TMC5: variants seen among roughly 807,000 people sequenced by gnomAD.
TMC5 encodes the protein transmembrane channel like 5, also known as transmembrane channel-like protein 5.
Under a neutral mutation model 110.5 loss-of-function variants are expected in TMC5, and 86 were observed. The observed-to-expected ratio is 0.78, with a 90% CI of 0.65 to 0.93. The LOEUF (loss-of-function observed/expected upper bound fraction) is 0.93, where lower values mean the gene tolerates loss of function less well. Ranked by LOEUF, TMC5 falls within the 40% of genes least tolerant of loss-of-function variation. The pLI is 0.00. For missense variants in TMC5, 1,144 were observed against 1,222.8 expected (o/e 0.94, Z 0.96); for synonymous variants, 455 against 439.5 (o/e 1.04, Z -0.44).
intron 20 of TMC5, among the ~76,000 whole-genome samples, chr16:19,495,011 C>CTTTTTTTTTTTTTTTT (rs56178955): frequency 4.9e-5 from 2 of 40,488 alleles, no homozygotes; most frequent in African/African-American, 1.9e-4. Flanking sequence ...AGTGTCTATT[C>CTTTTTTTTTTTTTTTT]TTTTTTTTTT....
rs1969127179 is a variant in TMC5, at chr16:19,499,091, T to C, written c.*1125T>C. The C allele has an allele frequency of 6.6e-6, 1 of 151,810 alleles. No homozygotes were observed. The allele number at this position is 151,810 out of a possible 1,614,324, so 9.4% of individuals were successfully genotyped here. ...TAAATAAATAAATAAATAAAGTAAATTAAAAGTCTTATTCAAACCAAATAT... is the reference window on the plus strand; with the variant it reads ...TAAATAAATAAATAAATAAAGTAAACTAAAAGTCTTATTCAAACCAAATAT... On this transcript the variant is annotated 3_prime_UTR_variant, in exon 22 of 22. Transcript: ENST00000542583.
chr16:19,420,842 A>G (rs1380456290), intron 1 of TMC5, among the ~76,000 whole-genome samples: 1 of 152,228 alleles, frequency 6.6e-6, no homozygotes, highest in Admixed American at 6.5e-5. Flanking sequence ...CCATAGTTAC[A>G]GTTCCCAGCC....
intron 5 of TMC5, 112 bp downstream of exon 5, chr16:19,449,743 TCC>T: frequency 1.1e-6 from 1 of 892,856 alleles, no homozygotes; most frequent in Non-Finnish European, 1.8e-6. Context: ...GGGGGTGGTT[TCC>T]CCCATGCTGT....
intron 17 of TMC5, chr16:19,487,958 A>G (rs776615906): frequency 2.0e-5 from 3 of 152,716 alleles, no homozygotes; most frequent in Non-Finnish European, 4.4e-5. Context: ...AGGAATGGGC[A>G]AGGCAGGGGA....
chr16:19,492,539 G>A (rs1403985861), intron 19 of TMC5, among the ~76,000 whole-genome samples: 1 of 152,022 alleles, frequency 6.6e-6, no homozygotes, highest in African/African-American at 2.4e-5. Flanking sequence ...TCTGCCTCCA[G>A]GGTTCAAGCG....
intron 6 of TMC5, 39 bp from the exon 7 acceptor site, chr16:19,463,241 A>G (rs775311697): frequency 2.0e-6 from 3 of 1,482,112 alleles, no homozygotes; most frequent in South Asian, 1.1e-5. Flanking sequence ...ATGAGTTGCA[A>G]CATTTGTATC....
In TMC5 at chr16:19,464,415, C is replaced by G. The variant is rs143301073; in HGVS notation, c.1485+391C>G. ...CTCCAGCCTGGGCAACAGAGCGAGG[C>G]CTTGTCTCAATCATCAATCAATCAA... On this transcript the variant is annotated intron_variant, in intron 8 of 21. Coordinates refer to ENST00000542583, the MANE Select transcript of TMC5 (RefSeq NM_001261841.2). Among the ~76,000 whole-genome samples, 790 of 152,256 alleles carry G rather than the reference C, an allele frequency of 5.2e-3. 4 individuals are homozygous for G. The highest frequency in any genetic ancestry group is 0.017 in the Middle Eastern group (5 of 294).
intron 19 of TMC5, among the ~76,000 whole-genome samples, chr16:19,493,096 G>A (rs1289358879): frequency 1.3e-5 from 2 of 151,208 alleles, no homozygotes; most frequent in Non-Finnish European, 3.0e-5. Context: ...CGCATAGCTG[G>A]AATTACAGGC....
intron 1 of TMC5, among the ~76,000 whole-genome samples, chr16:19,426,911 CA>C (rs572395585): frequency 6.6e-6 from 1 of 152,252 alleles, no homozygotes; most frequent in South Asian, 2.1e-4. Context: ...GCTAAATTCC[CA>C]GGTCCCACTT....
intron 19 of TMC5, among the ~76,000 whole-genome samples, chr16:19,493,305 TAAAAAACTTAAC>T (rs1406135372): frequency 2.0e-5 from 3 of 151,926 alleles, no homozygotes; most frequent in Non-Finnish European, 2.9e-5. Context: ...TCATCACACT[TAAAAAACTTAAC>T]AATAATTTAT....
chr16:19,492,915 G>GATAGATAGATATATAT (rs58561457), intron 19 of TMC5, among the ~76,000 whole-genome samples: 67 of 42,780 alleles, frequency 1.6e-3, no homozygotes, highest in African/African-American at 3.4e-3. Flanking sequence ...TTAAAACTTA[G>GATAGATAGATATATAT]ATATATATAT....
chr16:19,432,321 G>T (rs559958076), intron 2 of TMC5, among the ~76,000 whole-genome samples: 6 of 152,294 alleles, frequency 3.9e-5, no homozygotes, highest in African/African-American at 1.4e-4. Context: ...CATTCAAATG[G>T]TGAAGTGAGA....
intron 14 of TMC5, among the ~76,000 whole-genome samples, chr16:19,480,137 G>A (rs768497987): frequency 1.3e-5 from 2 of 152,028 alleles, no homozygotes; most frequent in Non-Finnish European, 2.9e-5. Context: ...GCAACATATT[G>A]TAGAATTTGC....
chr16:19,440,480 G>C lies in TMC5; in HGVS notation c.442G>C (p.Gly148Arg). The change falls in exon 3 of 22, where the codon GGC becomes CGC. Residue 148 changes from glycine (G) to arginine (R), a missense_variant. Coordinates refer to ENST00000542583, the MANE Select transcript of TMC5 (RefSeq NM_001261841.2). ...AGSSSSGNYA[G>R]SRTHPDHFGS... The stretch of plus-strand genomic sequence containing the variant: ...CTCCAGCAGCAGTGGAAACTATGCA[G>C]GCTCCAGAACACATCCAGATCATTT... 1 of 1,614,122 alleles carries C rather than the reference G, an allele frequency of 6.2e-7. No homozygotes were observed. Among genetic ancestry groups the C allele is most frequent in the East Asian group, 2.2e-5 (1 of 44,876 alleles).
intron 8 of TMC5, among the ~76,000 whole-genome samples, chr16:19,465,096 CCTTCCTTCCTT>C: frequency 9.5e-6 from 1 of 105,520 alleles, no homozygotes; most frequent in African/African-American, 3.9e-5. Context: ...TTCCTTCCTT[CCTTCCTTCCTT>C]CCTTCCTCCC....
intron 19 of TMC5, among the ~76,000 whole-genome samples, chr16:19,493,287 C>T (rs1002915729): frequency 1.3e-5 from 2 of 151,750 alleles, no homozygotes; most frequent in South Asian, 2.1e-4. Context: ...AAAATAACTA[C>T]AATATCATCA....
At chr16:19,481,258 C>T (rs542371269) in intron 14 of TMC5, 112 bp from the exon 15 acceptor site, 59 of 781,206 alleles carry the variant, frequency 7.6e-5, no homozygotes, top group Middle Eastern at 4.7e-4. Flanking sequence ...AGGGAACTTA[C>T]GACTTTATTT....
upstream of TMC5, among the ~76,000 whole-genome samples, chr16:19,414,787 T>C (rs1966868620): frequency 1.3e-5 from 2 of 151,988 alleles, no homozygotes; most frequent in Admixed American, 1.3e-4. Flanking sequence ...GGTGAGTTCC[T>C]GTAGTCCCAG....
Position 19,469,721 on chromosome 16 carries a change from A to G in TMC5, c.1678A>G (p.Ile560Val), listed in dbSNP as rs1968279950. ...CCGGAACAACTTCATTAATCCCCAC[A>G]TTTACTCCGGAGGGATCACCAAGCT... ...YFRNNFINPH[I>V]YSGGITKLIF... The change falls in exon 10 of 22, where the codon ATT becomes GTT. Residue 560 changes from isoleucine to valine, a missense_variant. Physicochemically the swap from Ile to Val is conservative, Grantham distance 29 (BLOSUM62 3). Transcript: ENST00000542583. The G allele has an allele frequency of 1.2e-6, 2 of 1,613,966 alleles. No individual in the cohort carries two copies. The highest frequency in any genetic ancestry group is 1.7e-6 in the Non-Finnish European group (2 of 1,179,978).
Sources: gnomAD v4.1 joint callset for allele counts (sites outside exome capture counted in the v4.1 genomes callset) on GRCh38, gnomAD v4.1.1 for gene constraint, MANE v1.5 for transcripts, NCBI Gene and HGNC (gene_info 2026-07-23, HGNC 2026-07-21) for gene names.